DYSF: variants seen among roughly 807,000 people sequenced by gnomAD.
DYSF encodes the protein dysferlin, also known as dystrophy-associated fer-1-like 1.
Under a neutral mutation model 274.9 loss-of-function variants are expected in DYSF, and 212 were observed. That is an observed-to-expected ratio of 0.77 (90% CI 0.69 to 0.86). The LOEUF is 0.86. DYSF is among the 40% of genes least tolerant of loss of function. The pLI is 0.00. For synonymous variants in DYSF, 1,091 were observed against 1,078.7 expected (o/e 1.01, Z -0.22); for missense variants, 2,666 against 2,783.2 (o/e 0.96, Z 0.95).
At chr2:71,467,397 G>A (rs2081611292) in intron 1 of DYSF, among the ~76,000 whole-genome samples, 1 of 152,110 alleles carries the variant, frequency 6.6e-6, no homozygotes, top group South Asian at 2.1e-4. Flanking sequence ...TATTGAATCT[G>A]CCCCGTCTTA....
At chr2:71,571,749 G>A (rs1234240408) in intron 29 of DYSF, among the ~76,000 whole-genome samples, 19 of 63,504 alleles carry the variant, frequency 3.0e-4, no homozygotes, top group African/African-American at 1.2e-3. Flanking sequence ...ACAGATCACA[G>A]TCAGCACACA....
At chr2:71,671,019 G>A (rs565823241) in intron 51 of DYSF, among the ~76,000 whole-genome samples, 7 of 152,268 alleles carry the variant, frequency 4.6e-5, no homozygotes, top group African/African-American at 1.7e-4. Context: ...TGAAAGGAAG[G>A]GGATATATGA....
At chr2:71,657,553 C>T (rs549899501) in intron 43 of DYSF, among the ~76,000 whole-genome samples, 1 of 152,320 alleles carries the variant, frequency 6.6e-6, no homozygotes, top group Non-Finnish European at 1.5e-5. Flanking sequence ...AGGGCCCCAC[C>T]CCTGCAGCAA....
chr2:71,574,407 G>T, intron 30 of DYSF, 36 bp downstream of exon 30: 1 of 1,605,980 alleles, frequency 6.2e-7, no homozygotes, highest in Non-Finnish European at 8.5e-7. Flanking sequence ...CTTGGGTAGG[G>T]TATATCTTGG....
intron 42 of DYSF, among the ~76,000 whole-genome samples, chr2:71,651,470 G>A (rs1242458790): frequency 6.6e-6 from 1 of 151,862 alleles, no homozygotes; most frequent in Admixed American, 6.6e-5. Flanking sequence ...AAGAGAAACA[G>A]AACTGTCTCA....
At chr2:71,517,168 A>C (rs1384292996) in intron 10 of DYSF, 129 bp downstream of exon 10, 11 of 918,428 alleles carry the variant, frequency 1.2e-5, no homozygotes, top group Non-Finnish European at 1.7e-5. Context: ...ATTTCAAAGA[A>C]CAACGCCAAG....
intron 3 of DYSF, among the ~76,000 whole-genome samples, chr2:71,487,970 C>T (rs2083492941): frequency 6.6e-6 from 1 of 152,086 alleles, no homozygotes; most frequent in Admixed American, 6.5e-5. Flanking sequence ...AAAATTGTTA[C>T]AGAACTGAAA....
chr2:71,623,745 C>G (rs2094153227), intron 41 of DYSF, among the ~76,000 whole-genome samples: 1 of 152,030 alleles, frequency 6.6e-6, no homozygotes, highest in South Asian at 2.1e-4. Flanking sequence ...TATGTTATCT[C>G]ACTTGTACTT....
chr2:71,659,044 T>C lies in DYSF; in HGVS notation c.4911+11T>C, dbSNP rs759779808. ...GACCCCAATGGAAAGGTAACTTTCC[T>C]AGAGCCCTCACCTCCCCCAGAGTAG... On this transcript the variant is annotated intron_variant, in intron 44 of 55. Transcript: ENST00000410020. The C allele has an allele frequency of 2.5e-6, 4 of 1,613,968 alleles. No homozygotes were observed. The African/African-American group carries it at 5.3e-5, about 22-fold the overall frequency.
At chr2:71,602,868 C>G in intron 36 of DYSF, 63 bp downstream of exon 36, 3 of 1,592,062 alleles carry the variant, frequency 1.9e-6, no homozygotes, top group Non-Finnish European at 2.6e-6. Flanking sequence ...AGCCAGCCTT[C>G]AAGCACACAC....
chr2:71,653,828 AAATAAT>A (rs575970696), intron 42 of DYSF, among the ~76,000 whole-genome samples: 2 of 151,698 alleles, frequency 1.3e-5, no homozygotes, highest in African/African-American at 4.8e-5. Flanking sequence ...TAAAATTAAA[AAATAAT>A]AATAATAAAA....
At chr2:71,573,513 T>C (rs1226631960) in intron 29 of DYSF, among the ~76,000 whole-genome samples, 1 of 152,142 alleles carries the variant, frequency 6.6e-6, no homozygotes, top group Non-Finnish European at 1.5e-5. Context: ...AGGGACCCCA[T>C]GAACGAGGTA....
intron 32 of DYSF, among the ~76,000 whole-genome samples, chr2:71,593,647 T>C (rs1000745746): frequency 6.6e-6 from 1 of 152,160 alleles, no homozygotes; most frequent in Non-Finnish European, 1.5e-5. Flanking sequence ...TTACTCTTCA[T>C]TGTAGATTGG....
chr2:71,622,282 A>G (rs1362474861), intron 41 of DYSF, among the ~76,000 whole-genome samples: 1 of 152,144 alleles, frequency 6.6e-6, no homozygotes, highest in Non-Finnish European at 1.5e-5. Flanking sequence ...GAATATAGGA[A>G]AACAATATTT....
Position 71,481,990 on chromosome 2 carries a change from G to C in DYSF, c.239+20G>C. ...GAACAGGTAAGGTGGCCAGAGGGGGGTGCTCCATGGCTTGAAGGTGCAGGT... is the reference window on the plus strand; with the variant it reads ...GAACAGGTAAGGTGGCCAGAGGGGGCTGCTCCATGGCTTGAAGGTGCAGGT... On this transcript the variant is annotated intron_variant, in intron 3 of 55. Transcript: ENST00000410020. 1 of 1,601,556 alleles carries C rather than the reference G, an allele frequency of 6.2e-7. No individual in the cohort carries two copies. Among genetic ancestry groups the C allele is most frequent in the South Asian group, 1.1e-5 (1 of 90,626 alleles).
chr2:71,571,936 A>AG (rs2092499393), intron 29 of DYSF, among the ~76,000 whole-genome samples: 1 of 144,200 alleles, frequency 6.9e-6, no homozygotes. Flanking sequence ...CACAGATCAC[A>AG]CACAGATCAC....
intron 1 of DYSF, among the ~76,000 whole-genome samples, chr2:71,477,931 G>T (rs1418744953): frequency 5.9e-5 from 9 of 152,038 alleles, no homozygotes. Context: ...TCAAAATGAG[G>T]AGTCTCAGCA....
intron 4 of DYSF, among the ~76,000 whole-genome samples, chr2:71,510,211 C>T (rs1190252307): frequency 6.6e-6 from 1 of 152,224 alleles, no homozygotes; most frequent in Non-Finnish European, 1.5e-5. Flanking sequence ...GCCCAACTTA[C>T]CTTTTGCTGA....
intron 42 of DYSF, among the ~76,000 whole-genome samples, chr2:71,654,621 G>T (rs567882372): frequency 6.7e-6 from 1 of 149,906 alleles, no homozygotes; most frequent in East Asian, 2.0e-4. Flanking sequence ...CATCTCTACA[G>T]AAAATAAAAA....
Sources: allele counts gnomAD v4.1 joint callset (sites outside exome capture counted in the v4.1 genomes callset), GRCh38; gene constraint gnomAD v4.1.1; transcripts MANE v1.5; gene names NCBI Gene and HGNC (gene_info 2026-07-23, HGNC 2026-07-21).